NPAS3: variants seen among roughly 807,000 people sequenced by gnomAD.
NPAS3 encodes the protein neuronal PAS domain-containing protein 3.
A neutral mutation model predicts 73.1 loss-of-function variants in NPAS3; 14 were observed. The ratio of observed to expected loss-of-function variants is 0.19; its 90% CI spans 0.13 to 0.30. The LOEUF (loss-of-function observed/expected upper bound fraction) is 0.30. NPAS3 is among the 10% of genes least tolerant of loss of function. NPAS3 has a pLI of 1.00. For missense variants in NPAS3, 1,096 were observed against 1,250.0 expected, an observed-to-expected ratio of 0.88 and a Z score of 1.86; for synonymous variants, 620 against 541.5, an observed-to-expected ratio of 1.14 and a Z score of -2.01.
chr14:33,316,651 C>T (rs2043217349), intron 3 of NPAS3, among the ~76,000 whole-genome samples: 1 of 152,036 alleles, frequency 6.6e-6, no homozygotes, highest in Non-Finnish European at 1.5e-5. Context: ...CATTGAGTAT[C>T]ATGAGGAGAG....
At chr14:32,976,827 TC>T (rs1294644575) in intron 1 of NPAS3, among the ~76,000 whole-genome samples, 2 of 152,168 alleles carry the variant, frequency 1.3e-5, no homozygotes, top group Non-Finnish European at 2.9e-5. Context: ...TACTGAGAAA[TC>T]AGAAGAATCA....
rs147261090 is a variant in NPAS3, at chr14:33,473,146, A to G, written c.469-86975A>G. On this transcript the variant is annotated intron_variant, in intron 4 of 11. Transcript: ENST00000356141. ...TGAGAATACCACATTGTCAAGGAGA[A>G]CCGGGAGGTTGGCTGATGGAAACTG... 3.0e-4 allele frequency among the ~76,000 whole-genome samples: 45 copies of G among 152,304 alleles called. 1 individual carries two copies. The East Asian group carries it at 7.3e-3, about 25-fold the overall frequency.
At chr14:33,018,270 T>G (rs2039464695) in intron 1 of NPAS3, among the ~76,000 whole-genome samples, 1 of 152,134 alleles carries the variant, frequency 6.6e-6, no homozygotes, top group African/African-American at 2.4e-5. Flanking sequence ...GGAAGAGGGA[T>G]CGATTTATCT....
At chr14:33,598,981 T>C (rs2057324125) in intron 5 of NPAS3, among the ~76,000 whole-genome samples, 1 of 152,232 alleles carries the variant, frequency 6.6e-6, no homozygotes, top group African/African-American at 2.4e-5. Context: ...TCTCAGACTT[T>C]GGCACATCCA....
intron 1 of NPAS3, among the ~76,000 whole-genome samples, chr14:33,046,420 G>T (rs2040507145): frequency 6.6e-6 from 1 of 152,186 alleles, no homozygotes; most frequent in African/African-American, 2.4e-5. Flanking sequence ...GACTGATGGA[G>T]TGAAGGAAGG....
intron 4 of NPAS3, among the ~76,000 whole-genome samples, chr14:33,505,425 T>C (rs1353574854): frequency 6.6e-6 from 1 of 151,956 alleles, no homozygotes; most frequent in Non-Finnish European, 1.5e-5. Flanking sequence ...CCTTCGAAAG[T>C]TTTGAAGAAA....
chr14:33,668,281 G>A (rs2059512249), intron 5 of NPAS3, among the ~76,000 whole-genome samples: 1 of 152,160 alleles, frequency 6.6e-6, no homozygotes, highest in Non-Finnish European at 1.5e-5. Context: ...CCACCATACA[G>A]TAGCCCCTTT....
intron 3 of NPAS3, among the ~76,000 whole-genome samples, chr14:33,261,563 A>G (rs1378646562): frequency 6.6e-6 from 1 of 152,176 alleles, no homozygotes; most frequent in East Asian, 1.9e-4. Flanking sequence ...CACAGTTTTA[A>G]TGTTGCATTT....
intron 4 of NPAS3, among the ~76,000 whole-genome samples, chr14:33,498,935 A>AGTGTGTGTGTGTGTGTGTGT (rs3058422): frequency 1.1e-5 from 1 of 94,902 alleles, no homozygotes; most frequent in Non-Finnish European, 2.2e-5. Flanking sequence ...ACAGAGAGAG[A>AGTGTGTGTGTGTGTGTGTGT]GTGTGTGTGT....
chr14:32,972,129 A>G (rs561383698), intron 1 of NPAS3, among the ~76,000 whole-genome samples: 2 of 151,934 alleles, frequency 1.3e-5, no homozygotes, highest in South Asian at 4.2e-4. Context: ...TAGTGGAGAC[A>G]GAGTTTCACC....
At chr14:33,161,483 C>G (rs565095444) in intron 2 of NPAS3, among the ~76,000 whole-genome samples, 28 of 152,252 alleles carry the variant, frequency 1.8e-4, no homozygotes, top group Admixed American at 8.5e-4. Flanking sequence ...GTCTTCTAAT[C>G]AACAAAAGCT....
chr14:33,042,650 C>A (rs911897588), intron 1 of NPAS3, among the ~76,000 whole-genome samples: 1 of 152,158 alleles, frequency 6.6e-6, no homozygotes, highest in African/African-American at 2.4e-5. Context: ...CTGGCCTCAG[C>A]ATTAATATTA....
intron 3 of NPAS3, among the ~76,000 whole-genome samples, chr14:33,311,598 A>G (rs2043005156): frequency 6.6e-6 from 1 of 152,292 alleles, no homozygotes; most frequent in Non-Finnish European, 1.5e-5. Context: ...GAATGTCAGA[A>G]TATGGATTGC....
chr14:33,138,463 T>C (rs926163553), intron 2 of NPAS3, among the ~76,000 whole-genome samples: 3 of 152,162 alleles, frequency 2.0e-5, no homozygotes, highest in Non-Finnish European at 4.4e-5. Context: ...TCTTTGAGGT[T>C]AGAAAACATA....
At chr14:33,226,536 A>C (rs557120522) in intron 3 of NPAS3, among the ~76,000 whole-genome samples, 1 of 152,198 alleles carries the variant, frequency 6.6e-6, no homozygotes, top group Admixed American at 6.5e-5. Flanking sequence ...CTCCAAAACC[A>C]ATGTCTATAT....
intron 10 of NPAS3, 27 bp from the exon 11 acceptor site, chr14:33,797,430 C>T: frequency 6.2e-7 from 1 of 1,613,256 alleles, no homozygotes; most frequent in Non-Finnish European, 8.5e-7. Context: ...GGTGTCTGCA[C>T]TCCTGACCAG....
intron 7 of NPAS3, 73 bp from the exon 8 acceptor site, chr14:33,774,264 T>C: frequency 8.0e-7 from 1 of 1,248,114 alleles, no homozygotes; most frequent in Non-Finnish European, 1.1e-6. Context: ...TAATTTTGCA[T>C]TTCTCATAAG....
At chr14:33,644,951 G>T (rs572834241) in intron 5 of NPAS3, among the ~76,000 whole-genome samples, 2 of 151,672 alleles carry the variant, frequency 1.3e-5, no homozygotes, top group Non-Finnish European at 2.9e-5. Context: ...TGTGGTGGCG[G>T]GCACCTGTAA....
chr14:33,659,838 T>C (rs1211099623), intron 5 of NPAS3, among the ~76,000 whole-genome samples: 1 of 152,034 alleles, frequency 6.6e-6, no homozygotes, highest in African/African-American at 2.4e-5. Context: ...GTTCAGACAA[T>C]AGAATACATC....
Sources: gnomAD v4.1 joint callset for allele counts (sites outside exome capture counted in the v4.1 genomes callset) on GRCh38, gnomAD v4.1.1 for gene constraint, MANE v1.5 for transcripts, NCBI Gene and HGNC (gene_info 2026-07-23, HGNC 2026-07-21) for gene names.